The following KCNH1 variants were observed in gnomAD, a reference collection of about 807,000 sequenced individuals.
KCNH1 encodes the protein voltage-gated delayed rectifier potassium channel KCNH1.
In KCNH1, 27 loss-of-function variants were observed where a neutral mutation model predicts 69.2. That is an observed-to-expected ratio of 0.39 (90% CI 0.29 to 0.54). The LOEUF is 0.54. Ranked by LOEUF, KCNH1 falls within the 20% of genes least tolerant of loss-of-function variation. The pLI is 0.68. For synonymous variants in KCNH1, 456 were observed against 487.7 expected (o/e 0.93, Z 0.86); for missense variants, 798 against 1,261.6 (o/e 0.63, Z 5.57).
intron 10 of KCNH1, among the ~76,000 whole-genome samples, chr1:210,684,962 A>G (rs970643500): frequency 3.3e-5 from 5 of 152,206 alleles, no homozygotes; most frequent in African/African-American, 1.2e-4. Context: ...TAAATATCAC[A>G]TAACAGGTAA....
intron 5 of KCNH1, among the ~76,000 whole-genome samples, chr1:211,062,635 T>G (rs2102450909): frequency 6.6e-6 from 1 of 152,182 alleles, no homozygotes; most frequent in South Asian, 2.1e-4. Flanking sequence ...ATAATCTCAT[T>G]TAAAATGGAC....
chr1:210,866,952 T>C (rs1406845595), intron 7 of KCNH1, among the ~76,000 whole-genome samples: 1 of 152,100 alleles, frequency 6.6e-6, no homozygotes, highest in Non-Finnish European at 1.5e-5. Context: ...GAAATACTGA[T>C]AAATGCTACA....
chr1:210,985,188 T>C lies in KCNH1; in HGVS notation c.1032+33595A>G, dbSNP rs373700385. Among the ~76,000 whole-genome samples, 3 of 152,230 alleles carry C rather than the reference T, an allele frequency of 2.0e-5. No homozygotes were observed. In the East Asian group the frequency reaches 5.8e-4, roughly 29 times the overall value. On this transcript the variant is annotated intron_variant, in intron 6 of 10. Transcript: ENST00000271751. ...TCTTCTCTCTTTTGTTCTTTATTAG[T>C]CTTGCTAGTAGTCTATCAATTTTGT...
At chr1:210,946,663 A>C (rs1687964170) in intron 6 of KCNH1, among the ~76,000 whole-genome samples, 1 of 152,106 alleles carries the variant, frequency 6.6e-6, no homozygotes, top group Admixed American at 6.5e-5. Flanking sequence ...ACTGCCACCC[A>C]TAAGGCCCTT....
Position 210,727,087 on chromosome 1 carries a change from G to A in KCNH1, c.2113-42949C>T, listed in dbSNP as rs112115244. On this transcript the variant is annotated intron_variant, in intron 10 of 10. Coordinates refer to ENST00000271751, the MANE Select transcript of KCNH1 (RefSeq NM_172362.3). Reference sequence around the variant, plus strand: ...TTACTTATGTCTTGATGGTGTGTGGGATTAGGAAGAGCACAAATGTCTTTT... The same window carrying A: ...TTACTTATGTCTTGATGGTGTGTGGAATTAGGAAGAGCACAAATGTCTTTT... 8.6e-3 allele frequency among the ~76,000 whole-genome samples: 1,306 copies of A among 152,268 alleles called. 25 individuals carry two copies. Among genetic ancestry groups the A allele is most frequent in the African/African-American group, 0.03 (1,231 of 41,552 alleles).
chr1:211,027,066 A>C (rs759032739), intron 5 of KCNH1, among the ~76,000 whole-genome samples: 1 of 152,228 alleles, frequency 6.6e-6, no homozygotes, highest in Non-Finnish European at 1.5e-5. Flanking sequence ...CATTATACCA[A>C]GAACCAGGAA....
At chr1:210,985,352 C>G (rs900329245) in intron 6 of KCNH1, among the ~76,000 whole-genome samples, 2 of 152,146 alleles carry the variant, frequency 1.3e-5, no homozygotes, top group Non-Finnish European at 2.9e-5. Context: ...TCTTGCTTTT[C>G]TAGTTCTTTT....
At chr1:210,980,670 A>C (rs1024151147) in intron 6 of KCNH1, among the ~76,000 whole-genome samples, 1 of 152,172 alleles carries the variant, frequency 6.6e-6, no homozygotes, top group African/African-American at 2.4e-5. Context: ...TGTTTGTTGC[A>C]CTTGAATTGT....
chr1:211,008,713 C>T (rs958279704), intron 6 of KCNH1, among the ~76,000 whole-genome samples: 15 of 152,098 alleles, frequency 9.9e-5, no homozygotes, highest in Admixed American at 5.2e-4. Context: ...TGGAGAAATC[C>T]GATGTTTTGA....
intron 7 of KCNH1, among the ~76,000 whole-genome samples, chr1:210,815,795 C>T (rs755185646): frequency 7.9e-5 from 12 of 152,260 alleles, no homozygotes; most frequent in Non-Finnish European, 1.5e-4. Context: ...CCACCTGGGG[C>T]GCTTTTGGCC....
intron 10 of KCNH1, among the ~76,000 whole-genome samples, chr1:210,728,945 G>A (rs565183602): frequency 6.4e-4 from 97 of 152,342 alleles, no homozygotes; most frequent in African/African-American, 2.2e-3. Context: ...GGAACATTCA[G>A]ATGTCTTTGC....
At chr1:211,068,024 G>A (rs1571621141) in intron 5 of KCNH1, among the ~76,000 whole-genome samples, 1 of 152,194 alleles carries the variant, frequency 6.6e-6, no homozygotes, top group African/African-American at 2.4e-5. Context: ...GAGTTCTACA[G>A]TAAGAACTAA....
At chr1:211,019,294 G>A (rs1689547790) in intron 5 of KCNH1, 38 bp from the exon 6 acceptor site, 1 of 1,337,690 alleles carries the variant, frequency 7.5e-7, no homozygotes, top group Non-Finnish European at 1.0e-6. Flanking sequence ...AACTAAGTTA[G>A]GATTTAATTG....
chr1:210,686,340 C>A (rs1258459431), intron 10 of KCNH1, among the ~76,000 whole-genome samples: 3 of 152,200 alleles, frequency 2.0e-5, no homozygotes, highest in Non-Finnish European at 2.9e-5. Flanking sequence ...CACACCAAGA[C>A]CCAGCGCAAA....
At chr1:211,084,073 A>G (rs888897142) in intron 4 of KCNH1, among the ~76,000 whole-genome samples, 8 of 152,212 alleles carry the variant, frequency 5.3e-5, no homozygotes, top group African/African-American at 1.9e-4. Context: ...ACAAAGCAGA[A>G]ATGTGGAACT....
intron 7 of KCNH1, among the ~76,000 whole-genome samples, chr1:210,811,822 C>A (rs1372948877): frequency 6.6e-6 from 1 of 152,078 alleles, no homozygotes; most frequent in Non-Finnish European, 1.5e-5. Flanking sequence ...AAACTGAGGT[C>A]CAAGATCAAA....
At chr1:210,795,319 G>A (rs1262811521) in intron 9 of KCNH1, among the ~76,000 whole-genome samples, 2 of 152,008 alleles carry the variant, frequency 1.3e-5, no homozygotes, top group Non-Finnish European at 2.9e-5. Context: ...TCTAATTTTT[G>A]TATTTTTTGT....
chr1:210,964,599 G>A (rs1688362912), intron 6 of KCNH1, among the ~76,000 whole-genome samples: 1 of 152,066 alleles, frequency 6.6e-6, no homozygotes, highest in South Asian at 2.1e-4. Context: ...CTGAAATTGG[G>A]ACAGTAATTA....
At chr1:210,953,871 C>T (rs528332669) in intron 6 of KCNH1, among the ~76,000 whole-genome samples, 2 of 152,244 alleles carry the variant, frequency 1.3e-5, no homozygotes, top group Admixed American at 1.3e-4. Context: ...CTTATTCTTT[C>T]CTTTGCCTTC....
Sources: allele counts gnomAD v4.1 joint callset (sites outside exome capture counted in the v4.1 genomes callset), GRCh38; gene constraint gnomAD v4.1.1; transcripts MANE v1.5; gene names NCBI Gene and HGNC (gene_info 2026-07-23, HGNC 2026-07-21).